The following KCND2 variants were observed in gnomAD, a reference collection of about 807,000 sequenced individuals.
KCND2 encodes the protein A-type voltage-gated potassium channel KCND2.
In KCND2, 16 loss-of-function variants were observed where a neutral mutation model predicts 54.4. The ratio of observed to expected loss-of-function variants is 0.29; its 90% CI spans 0.20 to 0.45. The LOEUF is 0.45. Among genes scored for constraint, KCND2 ranks in the 20% least tolerant of loss-of-function variants. The pLI, the probability that KCND2 is intolerant of heterozygous loss-of-function variation, is 1.00. For synonymous variants in KCND2, 317 were observed against 310.7 expected, an observed-to-expected ratio of 1.02 and a Z score of -0.21; for missense variants, 486 against 824.2, an observed-to-expected ratio of 0.59 and a Z score of 5.02.
chr7:120,469,112 C>A (rs1802418656), intron 1 of KCND2, among the ~76,000 whole-genome samples: 1 of 152,078 alleles, frequency 6.6e-6, no homozygotes, highest in Admixed American at 6.6e-5. Context: ...AAATTGAAAA[C>A]TTACTAACTT....
chr7:120,486,588 T>C (rs940554396), intron 1 of KCND2, among the ~76,000 whole-genome samples: 7 of 152,036 alleles, frequency 4.6e-5, no homozygotes, highest in African/African-American at 1.7e-4. Context: ...CAGACCCAGG[T>C]AGATCATCAA....
chr7:120,509,397 C>A (rs1261563382), intron 1 of KCND2, among the ~76,000 whole-genome samples: 1 of 151,990 alleles, frequency 6.6e-6, no homozygotes, highest in African/African-American at 2.4e-5. Context: ...GCTCTGGAAT[C>A]TTTGTAAATC....
At position 120,290,866 on chromosome 7, in the gene KCND2, T is replaced by C. The variant is rs114213400; in HGVS notation, c.1115+15119T>C. On this transcript the variant is annotated intron_variant, in intron 1 of 5. Coordinates refer to ENST00000331113, the MANE Select transcript of KCND2 (RefSeq NM_012281.3). ...TGGGTGCCATGACCAATTAGTGCTGTTATCCGTAGGTTGGGGATAGAAGAA... is the reference window on the plus strand; with the variant it reads ...TGGGTGCCATGACCAATTAGTGCTGCTATCCGTAGGTTGGGGATAGAAGAA... Among the ~76,000 whole-genome samples, 1,276 of 152,080 alleles carry C rather than the reference T, an allele frequency of 8.4e-3. 14 individuals carry two copies. The highest frequency in any genetic ancestry group is 0.029 in the African/African-American group (1,194 of 41,520).
chr7:120,314,188 A>C (rs1000588363), intron 1 of KCND2, among the ~76,000 whole-genome samples: 2 of 152,102 alleles, frequency 1.3e-5, no homozygotes, highest in Admixed American at 6.6e-5. Context: ...CAGTGAATTT[A>C]TTTCTTTTTG....
At chr7:120,606,735 A>G (rs116417647) in intron 1 of KCND2, among the ~76,000 whole-genome samples, 183 of 151,964 alleles carry the variant, frequency 1.2e-3, no homozygotes, top group African/African-American at 4.1e-3. Flanking sequence ...TATGTAATAT[A>G]ATATATATAA....
chr7:120,493,571 A>G (rs576216502), intron 1 of KCND2, among the ~76,000 whole-genome samples: 59 of 152,276 alleles, frequency 3.9e-4, no homozygotes, highest in Non-Finnish European at 7.2e-4. Flanking sequence ...ATAAATAGGC[A>G]TTTCCTTTTC....
chr7:120,619,336 A>G (rs1422470394), intron 1 of KCND2, among the ~76,000 whole-genome samples: 1 of 152,236 alleles, frequency 6.6e-6, no homozygotes, highest in Non-Finnish European at 1.5e-5. Context: ...AAACTGAGCC[A>G]GGGAGGCAGA....
chr7:120,323,447 A>C (rs569571270), intron 1 of KCND2, among the ~76,000 whole-genome samples: 3,250 of 109,224 alleles, frequency 0.03, 62 homozygotes, highest in African/African-American at 0.094. Context: ...ATCCCTCCCC[A>C]CTCCCCCCAC....
At chr7:120,732,812 C>A in intron 1 of KCND2, 91 bp from the exon 2 acceptor site, 2 of 1,024,908 alleles carry the variant, frequency 2.0e-6, no homozygotes, top group East Asian at 2.6e-5. Context: ...TCCAAAAAAT[C>A]ATTTGACTTA....
chr7:120,509,444 CA>C (rs1803079404), intron 1 of KCND2, among the ~76,000 whole-genome samples: 1 of 152,002 alleles, frequency 6.6e-6, no homozygotes, highest in East Asian at 1.9e-4. Flanking sequence ...ATGAAAAGTG[CA>C]TTTTAACAAA....
intron 1 of KCND2, among the ~76,000 whole-genome samples, chr7:120,543,161 A>C (rs1046452883): frequency 1.3e-5 from 2 of 152,152 alleles, no homozygotes; most frequent in Middle Eastern, 3.4e-3. Context: ...ATATATATAT[A>C]TCTAACCGAT....
intron 1 of KCND2, among the ~76,000 whole-genome samples, chr7:120,496,468 A>G (rs1475414582): frequency 6.6e-6 from 1 of 152,014 alleles, no homozygotes; most frequent in African/African-American, 2.4e-5. Context: ...TCTGTTGCAG[A>G]GGCTGGAGTG....
chr7:120,342,858 G>C (rs1272451647), intron 1 of KCND2, among the ~76,000 whole-genome samples: 2 of 152,072 alleles, frequency 1.3e-5, no homozygotes, highest in African/African-American at 4.8e-5. Context: ...CTTATAGAGA[G>C]GATTTGAAAA....
At chr7:120,581,720 AT>A (rs10542354) in intron 1 of KCND2, among the ~76,000 whole-genome samples, 9,284 of 151,250 alleles carry the variant, frequency 0.061, 788 homozygotes, top group African/African-American at 0.19. Context: ...GATCTTAATA[AT>A]TTTTTTTTTT....
intron 1 of KCND2, among the ~76,000 whole-genome samples, chr7:120,581,874 G>C (rs1210842048): frequency 6.6e-6 from 1 of 151,962 alleles, no homozygotes; most frequent in Non-Finnish European, 1.5e-5. Flanking sequence ...ACCAAACCCA[G>C]CTAATTTTTT....
intron 1 of KCND2, among the ~76,000 whole-genome samples, chr7:120,551,785 TC>T (rs1279813463): frequency 6.6e-6 from 1 of 152,202 alleles, no homozygotes; most frequent in South Asian, 2.1e-4. Context: ...TAGTCATTCA[TC>T]CATCTAATAT....
chr7:120,618,851 TA>T (rs767012743), intron 1 of KCND2, among the ~76,000 whole-genome samples: 93 of 152,166 alleles, frequency 6.1e-4, no homozygotes, highest in Non-Finnish European at 3.5e-4. Context: ...TTTTTATTTT[TA>T]TTTTTTTTAG....
intron 1 of KCND2, among the ~76,000 whole-genome samples, chr7:120,693,783 C>T (rs1290407645): frequency 6.6e-6 from 1 of 152,188 alleles, no homozygotes; most frequent in Non-Finnish European, 1.5e-5. Context: ...AGACCATAGT[C>T]CTGTCTGAAT....
chr7:120,502,199 AT>A (rs899306360), intron 1 of KCND2, among the ~76,000 whole-genome samples: 18 of 149,776 alleles, frequency 1.2e-4, no homozygotes, highest in East Asian at 2.0e-4. Context: ...ACCCTGATTT[AT>A]TTTTTTTTTC....
Sources: allele counts gnomAD v4.1 joint callset (sites outside exome capture counted in the v4.1 genomes callset), GRCh38; gene constraint gnomAD v4.1.1; transcripts MANE v1.5; gene names NCBI Gene and HGNC (gene_info 2026-07-23, HGNC 2026-07-21).